ALK: variants seen among roughly 807,000 people sequenced by gnomAD.
ALK encodes ALK tyrosine kinase receptor.
ALK carries 74 observed loss-of-function variants against 163.1 expected under a neutral mutation model. The ratio of observed to expected loss-of-function variants is 0.45; its 90% CI spans 0.38 to 0.55. The LOEUF is 0.55. ALK is among the 20% of genes least tolerant of loss of function. The pLI is 0.00. For missense variants in ALK, 2,063 were observed against 2,105.3 expected, an observed-to-expected ratio of 0.98 and a Z score of 0.39; for synonymous variants, 960 against 843.2, an observed-to-expected ratio of 1.14 and a Z score of -2.40.
intron 1 of ALK, among the ~76,000 whole-genome samples, chr2:29,906,376 C>T (rs1389359878): frequency 6.6e-6 from 1 of 152,114 alleles, no homozygotes; most frequent in African/African-American, 2.4e-5. Flanking sequence ...CAGTGTCTAA[C>T]ATACTGAAGC....
chr2:29,384,922 A>G (rs778955587), intron 4 of ALK, among the ~76,000 whole-genome samples: 3 of 152,084 alleles, frequency 2.0e-5, no homozygotes, highest in Non-Finnish European at 4.4e-5. Context: ...ATGGTGGTGC[A>G]CACCTGAGGT....
chr2:29,544,899 AAAG>A (rs1673513998), intron 3 of ALK, among the ~76,000 whole-genome samples: 1 of 152,202 alleles, frequency 6.6e-6, no homozygotes, highest in Admixed American at 6.5e-5. Context: ...ACCAAGAAGC[AAAG>A]AAGTTCAGGA....
intron 3 of ALK, among the ~76,000 whole-genome samples, chr2:29,679,731 A>G (rs1407122012): frequency 1.3e-5 from 1 of 75,432 alleles, no homozygotes; most frequent in Admixed American, 1.5e-4. Flanking sequence ...GAGAAGAATA[A>G]GAAAAAGGTT....
intron 4 of ALK, among the ~76,000 whole-genome samples, chr2:29,523,353 T>C (rs1180124222): frequency 1.3e-5 from 2 of 152,096 alleles, no homozygotes; most frequent in Non-Finnish European, 2.9e-5. Context: ...TACACCCCTT[T>C]CCTTATGGCC....
At chr2:29,239,625 G>T (rs1211325271) in intron 13 of ALK, 55 bp downstream of exon 13, 10 of 1,607,154 alleles carry the variant, frequency 6.2e-6, no homozygotes, top group Non-Finnish European at 8.5e-6. Flanking sequence ...CCTCCAAGAG[G>T]CCTTCCCGGG....
chr2:29,762,744 A>G (rs1221595810), intron 1 of ALK, among the ~76,000 whole-genome samples: 1 of 152,200 alleles, frequency 6.6e-6, no homozygotes, highest in Non-Finnish European at 1.5e-5. Flanking sequence ...GTTAGAGGAG[A>G]GACTTTAAGT....
intron 3 of ALK, among the ~76,000 whole-genome samples, chr2:29,588,521 G>A (rs1344366733): frequency 2.0e-5 from 3 of 152,122 alleles, no homozygotes; most frequent in African/African-American, 7.2e-5. Context: ...ATGAGCCACC[G>A]CACCTGGCCG....
intron 9 of ALK, among the ~76,000 whole-genome samples, chr2:29,294,136 T>C (rs1333347676): frequency 3.3e-5 from 5 of 152,134 alleles, no homozygotes; most frequent in Non-Finnish European, 5.9e-5. Flanking sequence ...GGAAGAGAGT[T>C]GGTTTTTCTT....
chr2:29,439,670 A>G (rs1199149825), intron 4 of ALK, among the ~76,000 whole-genome samples: 1 of 127,362 alleles, frequency 7.9e-6, no homozygotes, highest in East Asian at 2.3e-4. Flanking sequence ...ATCCAACGGG[A>G]CTGGTGTTCT....
intron 9 of ALK, among the ~76,000 whole-genome samples, chr2:29,281,487 C>T (rs1043005001): frequency 6.6e-6 from 1 of 152,192 alleles, no homozygotes. Flanking sequence ...GCTCCTGACC[C>T]TTCATAGTTC....
chr2:29,520,141 C>A (rs1675490574), intron 4 of ALK, among the ~76,000 whole-genome samples: 1 of 152,126 alleles, frequency 6.6e-6, no homozygotes, highest in Non-Finnish European at 1.5e-5. Context: ...GCATGGGAAC[C>A]ACCTCATTTC....
rs371397667 is a variant in ALK, at chr2:29,239,850, G to A, written c.2205-20C>T. On this transcript the variant is annotated intron_variant, in intron 12 of 28. Coordinates refer to ENST00000389048, the MANE Select transcript of ALK (RefSeq NM_004304.5). ...GAGATGCTGCAATGGGACAAAGAAC[G>A]TTGGCTCCCGCTGTGGTATGAAGAC... The A allele has an allele frequency of 2.9e-5, 46 of 1,610,580 alleles. No individual in the cohort carries two copies. The highest frequency in any genetic ancestry group is 3.3e-5 in the Non-Finnish European group (39 of 1,178,718).
chr2:29,816,835 G>T (rs1381638195), intron 1 of ALK, among the ~76,000 whole-genome samples: 1 of 152,182 alleles, frequency 6.6e-6, no homozygotes, highest in Non-Finnish European at 1.5e-5. Context: ...TGGTCTATGA[G>T]GGGCTAGGCC....
intron 4 of ALK, among the ~76,000 whole-genome samples, chr2:29,469,040 T>C (rs1378323374): frequency 2.6e-5 from 4 of 152,028 alleles, no homozygotes; most frequent in African/African-American, 9.7e-5. Flanking sequence ...AATGGAACAC[T>C]AGGCATAAAT....
intron 4 of ALK, among the ~76,000 whole-genome samples, chr2:29,475,695 G>A (rs972257768): frequency 6.6e-6 from 1 of 152,158 alleles, no homozygotes; most frequent in Admixed American, 6.5e-5. Flanking sequence ...TGGCCTCTCA[G>A]TCAAAGGTTT....
chr2:29,619,189 A>G lies in ALK; in HGVS notation c.952+75661T>C, dbSNP rs141810265. On this transcript the variant is annotated intron_variant, in intron 3 of 28. Coordinates refer to ENST00000389048, the MANE Select transcript of ALK (RefSeq NM_004304.5). Reference sequence around the variant, plus strand: ...ACTGATCACAAGGGTGATCTGTGACATTGGAAACAATGGGTGGAAGTTGGG... The same window carrying G: ...ACTGATCACAAGGGTGATCTGTGACGTTGGAAACAATGGGTGGAAGTTGGG... Among the ~76,000 whole-genome samples the G allele has an allele frequency of 4.0e-3, 613 of 152,336 alleles. 5 individuals carry two copies. The highest frequency in any genetic ancestry group is 0.014 in the African/African-American group (581 of 41,576).
At chr2:29,653,731 A>G (rs1338449285) in intron 3 of ALK, among the ~76,000 whole-genome samples, 1 of 152,104 alleles carries the variant, frequency 6.6e-6, no homozygotes. Context: ...AGGTGATTCA[A>G]AATAGGGAGA....
At chr2:29,216,447 G>T (rs1669608766) in intron 23 of ALK, among the ~76,000 whole-genome samples, 1 of 152,124 alleles carries the variant, frequency 6.6e-6, no homozygotes, top group African/African-American at 2.4e-5. Flanking sequence ...AGCCCCAGGA[G>T]CCTGGAGCGC....
chr2:29,195,818 G>C (rs1172475861), intron 28 of ALK, among the ~76,000 whole-genome samples: 4 of 152,212 alleles, frequency 2.6e-5, no homozygotes, highest in East Asian at 1.9e-4. Context: ...AGAACCAAGA[G>C]AGAGGGAAAG....
Sources: gnomAD v4.1 joint callset for allele counts (sites outside exome capture counted in the v4.1 genomes callset) on GRCh38, gnomAD v4.1.1 for gene constraint, MANE v1.5 for transcripts, NCBI Gene and HGNC (gene_info 2026-07-23, HGNC 2026-07-21) for gene names.